The following COPB1 variants were observed in gnomAD, a reference collection of about 807,000 sequenced individuals.
COPB1 encodes coat protein complex I subunit beta 1.
A neutral mutation model predicts 108.7 loss-of-function variants in COPB1; 21 were observed. The ratio of observed to expected loss-of-function variants is 0.19; its 90% CI spans 0.14 to 0.28. The LOEUF is 0.28. Ranked by LOEUF, COPB1 falls within the 10% of genes least tolerant of loss-of-function variation. The pLI, the probability that COPB1 is intolerant of heterozygous loss-of-function variation, is 1.00. For synonymous variants in COPB1, 378 were observed against 386.8 expected (o/e 0.98, Z 0.27); for missense variants, 919 against 1,141.3 (o/e 0.81, Z 2.81).
At chr11:14,483,280 C>A in intron 7 of COPB1, 129 bp from the exon 8 acceptor site, 1 of 513,914 alleles carries the variant, frequency 1.9e-6, no homozygotes, top group East Asian at 2.9e-5. Flanking sequence ...CCAAAATACA[C>A]TCATTAATTA....
Position 14,457,934 on chromosome 11 carries a change from G to C in COPB1, c.2803-51C>G, listed in dbSNP as rs752682987. 11 of 1,115,520 alleles carry C rather than the reference G, an allele frequency of 9.9e-6. No individual in the cohort carries two copies. In the South Asian group the frequency reaches 1.0e-4, roughly 11 times the overall value. The allele number at this position is 1,115,520 out of a possible 1,614,324, so 69.1% of individuals were successfully genotyped here. ...TAATTATTTAAACTATGTACAATCA[G>C]TAGGTTATTCCATATTATTAAGCCC... On this transcript the variant is annotated intron_variant, in intron 21 of 21. Coordinates refer to ENST00000439561, the MANE Select transcript of COPB1 (RefSeq NM_001144061.2).
intron 19 of COPB1, 91 bp downstream of exon 19, chr11:14,461,095 T>C: frequency 6.6e-7 from 1 of 1,514,018 alleles, no homozygotes; most frequent in Non-Finnish European, 9.1e-7. Context: ...TTAAACACTT[T>C]TTAGCGAGAT....
intron 2 of COPB1, among the ~76,000 whole-genome samples, chr11:14,496,264 A>AT (rs554658487): frequency 7.3e-5 from 11 of 150,804 alleles, no homozygotes; most frequent in East Asian, 3.9e-4. Context: ...TTAATTATAA[A>AT]TTTTTTTTTT....
intron 4 of COPB1, among the ~76,000 whole-genome samples, chr11:14,491,668 T>G (rs1453191234): frequency 4.6e-5 from 1 of 21,894 alleles, no homozygotes; most frequent in African/African-American, 2.0e-4. Flanking sequence ...AAACTCTGTC[T>G]CAAAAAAAAA....
chr11:14,466,782 C>T (rs1850292027), intron 16 of COPB1, among the ~76,000 whole-genome samples: 1 of 152,148 alleles, frequency 6.6e-6, no homozygotes, highest in African/African-American at 2.4e-5. Context: ...TTTGGATACA[C>T]TTTCATTTAA....
At chr11:14,470,553 C>T (rs1168865286) in intron 14 of COPB1, among the ~76,000 whole-genome samples, 2 of 152,190 alleles carry the variant, frequency 1.3e-5, no homozygotes, top group African/African-American at 4.8e-5. Flanking sequence ...ATTATCCTGA[C>T]ACATATGCTC....
At chr11:14,486,114 C>T (rs528933698) in intron 7 of COPB1, among the ~76,000 whole-genome samples, 105 of 152,106 alleles carry the variant, frequency 6.9e-4, no homozygotes, top group Non-Finnish European at 7.8e-4. Flanking sequence ...AGTGGACCTG[C>T]GCAGTTCGAA....
Position 14,468,835 on chromosome 11 carries a change from G to A in COPB1, c.1991C>T (p.Thr664Ile). ...GGAAATGGGGTCATCAGGCTGTACTGTCACATTCCTCTTTTCAGATTCTTT... is the reference window on the plus strand; with the variant it reads ...GGAAATGGGGTCATCAGGCTGTACTATCACATTCCTCTTTTCAGATTCTTT... ...QKKESEKRNVTVQPDDPISFM... is the reference protein window; with the variant it reads ...QKKESEKRNVIVQPDDPISFM... Residue 664 changes from threonine to isoleucine, a missense_variant, in exon 16 of 22, where the codon ACA (threonine) becomes ATA (isoleucine). Thr to Ile is a moderately conservative substitution (Grantham distance 89). Around this residue, in one of 5 missense-constraint regions of COPB1, gnomAD observed 705 missense variants for 817.8 expected, o/e 0.86. Coordinates refer to ENST00000439561, the MANE Select transcript of COPB1 (RefSeq NM_001144061.2). The A allele has an allele frequency of 3.1e-6, 5 of 1,613,740 alleles. No individual in the cohort carries two copies. The highest frequency in any genetic ancestry group is 1.3e-5 in the African/African-American group (1 of 75,026).
intron 12 of COPB1, 93 bp from the exon 13 acceptor site, chr11:14,476,038 T>C (rs1850513511): frequency 8.6e-7 from 1 of 1,156,988 alleles, no homozygotes; most frequent in South Asian, 1.7e-5. Context: ...AAAAAGGCAT[T>C]ACCCTAATGG....
chr11:14,487,715 G>C (rs1003953250), intron 6 of COPB1, among the ~76,000 whole-genome samples: 7 of 151,506 alleles, frequency 4.6e-5, no homozygotes, highest in African/African-American at 1.7e-4. Context: ...AAAAAAAACT[G>C]TACAGTAAGT....
chr11:14,476,823 G>A, intron 12 of COPB1, 96 bp downstream of exon 12: 2 of 613,876 alleles, frequency 3.3e-6, no homozygotes, highest in Non-Finnish European at 5.7e-6. Context: ...ATCTAACTCA[G>A]AAGTGTAAAT....
chr11:14,486,265 C>G (rs1850771794), intron 7 of COPB1, 102 bp downstream of exon 7: 2 of 1,337,998 alleles, frequency 1.5e-6, no homozygotes, highest in Non-Finnish European at 2.1e-6. Context: ...GTTATTCTCT[C>G]TGTGCCATGT....
At chr11:14,499,610 C>A (rs971824816) in intron 1 of COPB1, 97 bp downstream of exon 1, 3 of 151,160 alleles carry the variant, frequency 2.0e-5, no homozygotes, top group African/African-American at 7.3e-5. Context: ...TACCCCCACC[C>A]GGTCCCTTCT....
chr11:14,468,205 T>C (rs143505971), intron 16 of COPB1, among the ~76,000 whole-genome samples: 2 of 152,368 alleles, frequency 1.3e-5, no homozygotes, highest in East Asian at 1.9e-4. Flanking sequence ...TTCAGTCTAA[T>C]AGATGAGGGA....
At chr11:14,481,393 G>T (rs976397106) in intron 8 of COPB1, among the ~76,000 whole-genome samples, 4 of 152,282 alleles carry the variant, frequency 2.6e-5, no homozygotes, top group African/African-American at 7.2e-5. Context: ...GCTAAACAAC[G>T]TAAGAAAGTA....
intron 14 of COPB1, 66 bp from the exon 15 acceptor site, chr11:14,469,629 A>G: frequency 7.8e-7 from 1 of 1,290,290 alleles, no homozygotes; most frequent in East Asian, 2.4e-5. Context: ...ATGTCACTTC[A>G]TTATAACTCA....
intron 1 of COPB1, 67 bp downstream of exon 1, chr11:14,499,640 G>C (rs913069579): frequency 5.8e-5 from 8 of 138,888 alleles, no homozygotes; most frequent in African/African-American, 1.8e-4. Flanking sequence ...AGACGCAAGC[G>C]GCCTAGTCGC....
At position 14,458,636 on chromosome 11, in the gene COPB1, T is replaced by C. The variant is rs1427482976; in HGVS notation, c.2698A>G (p.Ile900Val). The C allele has an allele frequency of 2.5e-6, 4 of 1,613,692 alleles. No homozygotes were observed. The highest frequency in any genetic ancestry group is 3.4e-6 in the Non-Finnish European group (4 of 1,179,924). The change falls in exon 21 of 22, where the codon ATA becomes GTA. Residue 900 changes from isoleucine (I) to valine (V), a missense_variant. Ile to Val is a conservative substitution (Grantham distance 29, BLOSUM62 3). This residue lies in a region of COPB1 where 705 missense variants were observed against 817.8 expected (regional missense o/e 0.86). Coordinates refer to ENST00000439561, the MANE Select transcript of COPB1 (RefSeq NM_001144061.2). ...FMAANLYARS[I>V]FGEDALANVS... ...TTTGCAAGTGCATCTTCACCAAATA[T>C]GGAACGAGCATAAAGGTTGGCTGCC...
At chr11:14,490,702 C>T in intron 4 of COPB1, 23 bp from the exon 5 acceptor site, 1 of 1,298,330 alleles carries the variant, frequency 7.7e-7, no homozygotes, top group East Asian at 2.3e-5. Flanking sequence ...CAGGTAACAT[C>T]CATATTTAAT....
Sources: gnomAD v4.1 joint callset for allele counts (sites outside exome capture counted in the v4.1 genomes callset) on GRCh38, gnomAD v4.1.1 for gene constraint, gnomAD v4.1.1 regional missense constraint, MANE v1.5 for transcripts, NCBI Gene and HGNC (gene_info 2026-07-23, HGNC 2026-07-21) for gene names.